Variants in SORCS2 observed in about 807,000 individuals in gnomAD.
SORCS2 encodes sortilin related VPS10 domain containing receptor 2, also known as VPS10 domain-containing receptor SorCS2.
A neutral mutation model predicts 141.6 loss-of-function variants in SORCS2; 100 were observed. That is an observed-to-expected ratio of 0.71 (90% CI 0.60 to 0.83). The LOEUF (loss-of-function observed/expected upper bound fraction) is 0.83, where lower values mean the gene tolerates loss of function less well. Ranked by LOEUF, SORCS2 falls within the 40% of genes least tolerant of loss-of-function variation. SORCS2 has a pLI of 0.00. For missense variants in SORCS2, 1,646 were observed against 1,560.2 expected, an observed-to-expected ratio of 1.05 and a Z score of -0.93; for synonymous variants, 789 against 676.9, an observed-to-expected ratio of 1.17 and a Z score of -2.57.
At chr4:7,448,207 C>T (rs1194023138) in intron 2 of SORCS2, among the ~76,000 whole-genome samples, 1 of 152,160 alleles carries the variant, frequency 6.6e-6, no homozygotes, top group Non-Finnish European at 1.5e-5. Flanking sequence ...GGCGTGCAAG[C>T]AAGCAGGGAG....
At chr4:7,383,693 C>T (rs560710631) in intron 1 of SORCS2, among the ~76,000 whole-genome samples, 1 of 152,194 alleles carries the variant, frequency 6.6e-6, no homozygotes, top group African/African-American at 2.4e-5. Context: ...AATGCCAACC[C>T]TTCCAGGTAG....
chr4:7,566,178 A>G (rs1026372237), intron 3 of SORCS2, among the ~76,000 whole-genome samples: 28 of 149,544 alleles, frequency 1.9e-4, no homozygotes, highest in African/African-American at 6.9e-4. Flanking sequence ...TGGTGATGGT[A>G]GTGATATTGA....
At chr4:7,199,146 A>G (rs1727346026) in intron 1 of SORCS2, among the ~76,000 whole-genome samples, 1 of 152,006 alleles carries the variant, frequency 6.6e-6, no homozygotes, top group Non-Finnish European at 1.5e-5. Context: ...CCTGGGCCCT[A>G]GTTTCGTCAT....
intron 1 of SORCS2, among the ~76,000 whole-genome samples, chr4:7,351,735 A>T (rs1202847566): frequency 6.8e-6 from 1 of 147,798 alleles, no homozygotes; most frequent in Non-Finnish European, 1.5e-5. Flanking sequence ...CTTCCCATCT[A>T]TTCCTCTCTC....
chr4:7,326,501 C>G (rs138672810), intron 1 of SORCS2, among the ~76,000 whole-genome samples: 1 of 152,198 alleles, frequency 6.6e-6, no homozygotes, highest in African/African-American at 2.4e-5. Context: ...ATGGGGCTGC[C>G]GGCATGGGAA....
intron 9 of SORCS2, among the ~76,000 whole-genome samples, chr4:7,678,106 G>A (rs1723282860): frequency 6.6e-6 from 1 of 152,236 alleles, no homozygotes; most frequent in Non-Finnish European, 1.5e-5. Flanking sequence ...CACCCCTCAT[G>A]AAGCAGGAAG....
intron 2 of SORCS2, among the ~76,000 whole-genome samples, chr4:7,500,233 C>A (rs1731881931): frequency 6.6e-6 from 1 of 152,096 alleles, no homozygotes; most frequent in Non-Finnish European, 1.5e-5. Flanking sequence ...GCCCGTGGAG[C>A]CCCCGGGAGT....
intron 2 of SORCS2, among the ~76,000 whole-genome samples, chr4:7,454,791 C>G (rs1280634288): frequency 5.3e-5 from 6 of 112,932 alleles, no homozygotes; most frequent in African/African-American, 2.2e-4. Flanking sequence ...GTGTTGGGGT[C>G]TGGTGCTGTG....
intron 1 of SORCS2, among the ~76,000 whole-genome samples, chr4:7,269,580 C>T (rs373443764): frequency 2.0e-5 from 3 of 152,188 alleles, no homozygotes; most frequent in African/African-American, 4.8e-5. Flanking sequence ...ATTCGTCACA[C>T]GAAGGAGAAG....
intron 10 of SORCS2, among the ~76,000 whole-genome samples, chr4:7,688,188 C>T (rs1487292211): frequency 6.6e-6 from 1 of 152,176 alleles, no homozygotes; most frequent in Non-Finnish European, 1.5e-5. Context: ...GAGGATACCT[C>T]TGACGTGATG....
Position 7,192,803 on chromosome 4 carries a change from C to A in SORCS2, c.157C>A (p.Pro53Thr). 2.0e-6 allele frequency: 2 copies of A among 1,022,166 alleles called. No homozygotes were observed. The highest frequency in any genetic ancestry group is 1.2e-6 in the Non-Finnish European group (1 of 855,920). 63.3% of individuals were successfully genotyped at this position (1,022,166 alleles called of 1,614,324 possible). Residue 53 changes from proline to threonine, a missense_variant, in exon 1 of 27, where the codon CCT (proline) becomes ACT (threonine). By Grantham distance (38) the Pro-to-Thr change is conservative (BLOSUM62 -1). Transcript: ENST00000507866. This position sits in a 1 kb window ranked among gnomAD's most constrained non-coding sequence, Gnocchi z 4.0. ...CGCCTGCGGGGCGGCGGGGCGCTCCCCTGAGCCCGGGCGCCTGGGTCCTCA... is the reference window on the plus strand; with the variant it reads ...CGCCTGCGGGGCGGCGGGGCGCTCCACTGAGCCCGGGCGCCTGGGTCCTCA... ...LGACGAAGRS[P>T]EPGRLGPHAQ...
chr4:7,338,928 G>A (rs553944321), intron 1 of SORCS2, among the ~76,000 whole-genome samples: 5 of 152,156 alleles, frequency 3.3e-5, no homozygotes, highest in Non-Finnish European at 5.9e-5. Flanking sequence ...AGCCATACCC[G>A]CACCAGGGAG....
chr4:7,691,263 G>T (rs934890094), intron 11 of SORCS2, among the ~76,000 whole-genome samples: 1 of 152,214 alleles, frequency 6.6e-6, no homozygotes, highest in African/African-American at 2.4e-5. Flanking sequence ...CACCGAGCTG[G>T]GGCCTGGCCC....
chr4:7,280,767 G>A (rs12511994), intron 1 of SORCS2, among the ~76,000 whole-genome samples: 13,227 of 152,224 alleles, frequency 0.087, 1,276 homozygotes, highest in East Asian at 0.23. Context: ...GAGATGACTA[G>A]TACTGCATAC....
At chr4:7,673,442 C>G (rs978296906) in intron 8 of SORCS2, among the ~76,000 whole-genome samples, 1 of 152,138 alleles carries the variant, frequency 6.6e-6, no homozygotes, top group Non-Finnish European at 1.5e-5. Flanking sequence ...GAATATGGCC[C>G]GTCCACAAAA....
chr4:7,349,376 G>A (rs2109002863), intron 1 of SORCS2, among the ~76,000 whole-genome samples: 1 of 152,300 alleles, frequency 6.6e-6, no homozygotes, highest in Non-Finnish European at 1.5e-5. Context: ...GGGGTCTTCT[G>A]CGGGCTGCCA....
chr4:7,716,742 T>C (rs2109045865), intron 17 of SORCS2, among the ~76,000 whole-genome samples: 1 of 152,316 alleles, frequency 6.6e-6, no homozygotes, highest in African/African-American at 2.4e-5. Flanking sequence ...CATGCACCTA[T>C]GTATCATGAA....
intron 11 of SORCS2, among the ~76,000 whole-genome samples, chr4:7,693,380 G>A (rs1724382621): frequency 1.3e-5 from 2 of 152,316 alleles, no homozygotes; most frequent in South Asian, 4.1e-4. Context: ...CTTTGCCAAG[G>A]CTGCTCTCCA....
chr4:7,628,328 C>T (rs1198266731), intron 3 of SORCS2, among the ~76,000 whole-genome samples: 1 of 152,120 alleles, frequency 6.6e-6, no homozygotes, highest in African/African-American at 2.4e-5. Context: ...CCAGACCATC[C>T]TGTGAATGGA....
Sources: allele counts gnomAD v4.1 joint callset (sites outside exome capture counted in the v4.1 genomes callset), GRCh38; gene constraint gnomAD v4.1.1; non-coding constraint Gnocchi (gnomAD v3.1); transcripts MANE v1.5; gene names NCBI Gene and HGNC (gene_info 2026-07-23, HGNC 2026-07-21).